NCK2: variants seen among roughly 807,000 people sequenced by gnomAD.
NCK2 encodes NCK adaptor protein 2.
NCK2 carries 16 observed loss-of-function variants against 33.9 expected under a neutral mutation model. That is an observed-to-expected ratio of 0.47 (90% CI 0.32 to 0.72). The LOEUF (loss-of-function observed/expected upper bound fraction) is 0.72. Among genes scored for constraint, NCK2 ranks in the 30% least tolerant of loss-of-function variants. The pLI is 0.03. For missense variants in NCK2, 418 were observed against 537.3 expected (o/e 0.78, Z 2.19); for synonymous variants, 273 against 239.9 (o/e 1.14, Z -1.27).
At chr2:105,885,886 T>A (rs1678702589) in intron 4 of NCK2, among the ~76,000 whole-genome samples, 1 of 152,152 alleles carries the variant, frequency 6.6e-6, no homozygotes, top group African/African-American at 2.4e-5. Flanking sequence ...TCTGTTGAGT[T>A]TTTTGGGGGG....
intron 1 of NCK2, among the ~76,000 whole-genome samples, chr2:105,801,556 G>A (rs796412127): frequency 7.2e-5 from 11 of 152,190 alleles, no homozygotes; most frequent in South Asian, 4.2e-4. Context: ...GAGGAGAGGG[G>A]CCCATGGCAC....
intron 1 of NCK2, among the ~76,000 whole-genome samples, chr2:105,747,075 C>T (rs760902739): frequency 2.0e-5 from 3 of 152,138 alleles, no homozygotes; most frequent in Non-Finnish European, 4.4e-5. Context: ...CCCTGTTAAC[C>T]GTCGGGCTTG....
chr2:105,776,238 C>T (rs905470087), intron 1 of NCK2, among the ~76,000 whole-genome samples: 7 of 152,350 alleles, frequency 4.6e-5, no homozygotes, highest in East Asian at 1.9e-4. Flanking sequence ...TCCGTCCCAG[C>T]GACAGAAACC....
chr2:105,764,649 C>G lies in NCK2; in HGVS notation c.-201+19511C>G, dbSNP rs1039524363. On this transcript the variant is annotated intron_variant, in intron 1 of 4. Transcript: ENST00000233154. ...ACCTAGATTCCTGAGATGTATTTTT[C>G]TGGCATTGCTTTTTCTTGGTGTGAA... 3.4e-4 allele frequency among the ~76,000 whole-genome samples: 51 copies of G among 152,198 alleles called. 1 individual carries two copies. Among genetic ancestry groups the G allele is most frequent in the African/African-American group, 1.2e-3 (49 of 41,446 alleles).
At chr2:105,847,869 G>A (rs1338406634) in intron 2 of NCK2, among the ~76,000 whole-genome samples, 2 of 152,260 alleles carry the variant, frequency 1.3e-5, no homozygotes, top group East Asian at 3.9e-4. Flanking sequence ...GATACAAGCT[G>A]ATAGCATTAG....
chr2:105,746,933 T>C (rs1207066709), intron 1 of NCK2, among the ~76,000 whole-genome samples: 1 of 152,204 alleles, frequency 6.6e-6, no homozygotes, highest in Non-Finnish European at 1.5e-5. Context: ...GCCTGGATTC[T>C]GAGCTTCTTT....
Position 105,893,178 on chromosome 2 carries a change from G to T in NCK2, c.*2G>T. The T allele has an allele frequency of 1.3e-6, 2 of 1,582,042 alleles. No individual in the cohort carries two copies. The highest frequency in any genetic ancestry group is 1.7e-6 in the Non-Finnish European group (2 of 1,163,408). ...TACCTCGTCAGGGCCCTGCAGTGAC[G>T]GCGCCCCGGCCCCACACTCGCCTCC... On this transcript the variant is annotated 3_prime_UTR_variant, in exon 5 of 5. Transcript: ENST00000233154.
At chr2:105,768,334 G>C (rs915997197) in intron 1 of NCK2, among the ~76,000 whole-genome samples, 1 of 152,204 alleles carries the variant, frequency 6.6e-6, no homozygotes, top group Non-Finnish European at 1.5e-5. Flanking sequence ...ACACCACCTA[G>C]GTGTCCCCTA....
intron 1 of NCK2, among the ~76,000 whole-genome samples, chr2:105,799,118 C>T (rs1324154698): frequency 1.3e-5 from 2 of 152,014 alleles, no homozygotes; most frequent in East Asian, 1.9e-4. Flanking sequence ...CCTGTCTGTC[C>T]TTCGTGTCCT....
intron 1 of NCK2, among the ~76,000 whole-genome samples, chr2:105,793,265 T>C (rs115009775): frequency 0.019 from 2,855 of 151,470 alleles, 51 homozygotes; most frequent in Non-Finnish European, 0.022. Flanking sequence ...GTGCTGCCTG[T>C]TTTTTTGTCC....
chr2:105,852,072 C>T (rs1315422363), intron 2 of NCK2, among the ~76,000 whole-genome samples: 1 of 151,410 alleles, frequency 6.6e-6, no homozygotes, highest in Non-Finnish European at 1.5e-5. Flanking sequence ...TGGAATAAGC[C>T]TATCAAAATG....
intron 1 of NCK2, among the ~76,000 whole-genome samples, chr2:105,756,965 C>T (rs1689616531): frequency 6.6e-6 from 1 of 152,040 alleles, no homozygotes; most frequent in South Asian, 2.1e-4. Context: ...ACCACCATGC[C>T]CGGCTGATTT....
intron 2 of NCK2, among the ~76,000 whole-genome samples, chr2:105,837,192 A>G (rs1012832592): frequency 6.6e-6 from 1 of 151,792 alleles, no homozygotes. Flanking sequence ...GTGGTTATCT[A>G]TTGTTTTAGT....
At chr2:105,802,903 G>T (rs1486511634) in intron 1 of NCK2, among the ~76,000 whole-genome samples, 2 of 152,166 alleles carry the variant, frequency 1.3e-5, no homozygotes, top group South Asian at 2.1e-4. Flanking sequence ...CTTTCTCGGG[G>T]GTGAGGTGGT....
chr2:105,824,881 G>A (rs115308684), intron 2 of NCK2, among the ~76,000 whole-genome samples: 1,855 of 152,294 alleles, frequency 0.012, 18 homozygotes, highest in Non-Finnish European at 0.019. Context: ...GCATTTGTGG[G>A]ACACCAGTGT....
intron 1 of NCK2, among the ~76,000 whole-genome samples, chr2:105,763,985 G>A (rs1358204973): frequency 2.6e-5 from 4 of 152,198 alleles, no homozygotes; most frequent in Non-Finnish European, 4.4e-5. Context: ...AGCACTTAAC[G>A]TGGCTGAGCA....
intron 1 of NCK2, among the ~76,000 whole-genome samples, chr2:105,765,786 G>GGT (rs56917992): frequency 0.16 from 22,861 of 147,138 alleles, 3,194 homozygotes; most frequent in African/African-American, 0.37. Context: ...TAGAATAGGG[G>GGT]GTGTGTGTGT....
intron 1 of NCK2, among the ~76,000 whole-genome samples, chr2:105,812,428 C>A (rs888890694): frequency 6.6e-6 from 1 of 152,182 alleles, no homozygotes; most frequent in African/African-American, 2.4e-5. Context: ...AGGTTCTCTT[C>A]CAAGTGGTTC....
chr2:105,843,651 C>T (rs920394036), intron 2 of NCK2, among the ~76,000 whole-genome samples: 2 of 152,174 alleles, frequency 1.3e-5, no homozygotes, highest in African/African-American at 4.8e-5. Flanking sequence ...AAAACGCTCC[C>T]ATACACAAAG....
Sources: gnomAD v4.1 joint callset for allele counts (sites outside exome capture counted in the v4.1 genomes callset) on GRCh38, gnomAD v4.1.1 for gene constraint, MANE v1.5 for transcripts, NCBI Gene and HGNC (gene_info 2026-07-23, HGNC 2026-07-21) for gene names.